Variants in SIDT2 observed in about 807,000 individuals in gnomAD.
SIDT2 encodes SID1 transmembrane family, member 2.
A neutral mutation model predicts 114.4 loss-of-function variants in SIDT2; 68 were observed. The ratio of observed to expected loss-of-function variants is 0.59; its 90% CI spans 0.49 to 0.73. The LOEUF is 0.73. Ranked by LOEUF, SIDT2 falls within the 30% of genes least tolerant of loss-of-function variation. The pLI, the probability that SIDT2 is intolerant of heterozygous loss-of-function variation, is 0.00. For missense variants in SIDT2, 918 were observed against 1,097.1 expected (o/e 0.84, Z 2.31); for synonymous variants, 470 against 438.4 (o/e 1.07, Z -0.90).
intron 6 of SIDT2, among the ~76,000 whole-genome samples, chr11:117,183,293 C>T (rs187444692): frequency 6.7e-6 from 1 of 148,600 alleles, no homozygotes; most frequent in East Asian, 2.0e-4. Flanking sequence ...TGCAGTGAGC[C>T]GAGATCACAC....
rs557545125 is a variant in SIDT2, at chr11:117,188,374, G to A, written c.1160-334G>A. ...CACCCTTGAATCAGCATGACTTGCC[G>A]AGTTCAATCCTGTTGTTTGTGTCTG... On this transcript the variant is annotated intron_variant, in intron 12 of 25. Coordinates refer to ENST00000324225, the MANE Select transcript of SIDT2 (RefSeq NM_001040455.2). This position sits in a 1 kb window ranked among gnomAD's most constrained non-coding sequence, Gnocchi z 4.0. 4 of 385,736 alleles carry A rather than the reference G, an allele frequency of 1.0e-5. No individual in the cohort carries two copies. Among genetic ancestry groups the A allele is most frequent in the African/African-American group, 6.1e-5 (3 of 49,304 alleles). The allele number at this position is 385,736 out of a possible 1,614,324, so 23.9% of individuals were successfully genotyped here.
In SIDT2 at chr11:117,181,856, C is replaced by A; in HGVS notation, c.355C>A (p.Pro119Thr). The change falls in exon 3 of 26, where the codon CCC becomes ACC. Residue 119 changes from proline to threonine, a missense_variant. Physicochemically the swap from Pro to Thr is conservative, Grantham distance 38. This residue lies in a region of SIDT2 where 553 missense variants were observed against 600.1 expected (regional missense o/e 0.92). Transcript: ENST00000324225. The stretch of plus-strand genomic sequence containing the variant: ...AAAAGTGGAACGAACCCTGTGTCAG[C>A]CCCCCACCAAGAATGAGTCGGAGAT... ...YQKVERTLCQ[P>T]PTKNESEIQF... is the part of the protein sequence containing the mutation. The A allele has an allele frequency of 1.2e-6, 2 of 1,614,194 alleles. No homozygotes were observed. Among genetic ancestry groups the A allele is most frequent in the Non-Finnish European group, 1.7e-6 (2 of 1,180,032 alleles).
At chr11:117,189,814 G>C (rs932788716) in intron 15 of SIDT2, 138 bp from the exon 16 acceptor site, 58 of 730,632 alleles carry the variant, frequency 7.9e-5, no homozygotes, top group African/African-American at 7.2e-4. Context: ...GAAGGAACAC[G>C]TGCCTGCGGT....
Position 117,183,965 on chromosome 11 carries a change from G to A in SIDT2, c.802+87G>A, listed in dbSNP as rs886223372. ...AGAAGAGCCTGCGTGGCTGATTGGT[G>A]GACCTGATAGGACATGGGTTTTTGG... On this transcript the variant is annotated intron_variant, in intron 7 of 25. Coordinates refer to ENST00000324225, the MANE Select transcript of SIDT2 (RefSeq NM_001040455.2). 5 of 1,493,284 alleles carry A rather than the reference G, an allele frequency of 3.3e-6. No individual in the cohort carries two copies. The African/African-American group carries it at 5.5e-5, about 17-fold the overall frequency. 92.5% of individuals were successfully genotyped at this position (1,493,284 alleles called of 1,614,324 possible).
chr11:117,193,798 C>G, intron 23 of SIDT2, 55 bp from the exon 24 acceptor site: 1 of 1,311,174 alleles, frequency 7.6e-7, no homozygotes. Context: ...GGTGGGACAG[C>G]GGGGTGGGAC....
At position 117,179,131 on chromosome 11, in the gene SIDT2, G is replaced by A; in HGVS notation, c.-133G>A. On this transcript the variant is annotated 5_prime_UTR_variant, in exon 1 of 26. Coordinates refer to ENST00000324225, the MANE Select transcript of SIDT2 (RefSeq NM_001040455.2). ...GGGAGGGGACATTTCCTAATCTCAG[G>A]CCGGGGTTAAAGTTCTGGTCCTGGT... is the stretch of plus-strand genomic sequence containing the variant. 2 of 843,384 alleles carry A rather than the reference G, an allele frequency of 2.4e-6. No homozygotes were observed. The highest frequency in any genetic ancestry group is 1.7e-5 in the South Asian group (1 of 57,550). The allele number at this position is 843,384 out of a possible 1,614,324, so 52.2% of individuals were successfully genotyped here. A position where few individuals can be genotyped will look rare whatever the true frequency, so the allele number is the denominator to read the frequency against.
Position 117,196,174 on chromosome 11 carries a change from A to T in SIDT2, c.*108A>T. ...ATGAGTCCCAGCACCGCTGCCCAGC[A>T]CTGGATGGCAGCAGGACAGCCAGGT... is the stretch of plus-strand genomic sequence containing the variant. On this transcript the variant is annotated 3_prime_UTR_variant, in exon 26 of 26. Transcript: ENST00000324225. This position sits in a 1 kb window ranked among gnomAD's most constrained non-coding sequence, Gnocchi z 4.9. 1.4e-6 allele frequency: 2 copies of T among 1,456,134 alleles called. No homozygotes were observed. Among genetic ancestry groups the T allele is most frequent in the South Asian group, 1.2e-5 (1 of 83,836 alleles). The allele number at this position is 1,456,134 out of a possible 1,614,324, so 90.2% of individuals were successfully genotyped here.
At position 117,195,818 on chromosome 11, in the gene SIDT2, C is replaced by T. The variant is rs2134263327; in HGVS notation, c.2339C>T (p.Ser780Leu). Reference sequence around the variant, plus strand: ...CTCCCCAAGAAAACCCCTGCAGAGTCGAGGGAGCACAACCGGGACTGCATC... The same window carrying T: ...CTCCCCAAGAAAACCCCTGCAGAGTTGAGGGAGCACAACCGGGACTGCATC... ...LSTWQKTPAE[S>L]REHNRDCILL... The change falls in exon 25 of 26, where the codon TCG (serine) becomes TTG (leucine). Residue 780 changes from serine (S) to leucine (L), a missense_variant. Coordinates refer to ENST00000324225, the MANE Select transcript of SIDT2 (RefSeq NM_001040455.2). 1.2e-6 allele frequency: 2 copies of T among 1,614,166 alleles called. No individual in the cohort carries two copies. The highest frequency in any genetic ancestry group is 2.2e-5 in the East Asian group (1 of 44,862).
rs781290775 is a variant in SIDT2 at position 117,188,821 on chromosome 11, A to T, written c.1273A>T (p.Thr425Ser). 18 of 1,613,788 alleles carry T rather than the reference A, an allele frequency of 1.1e-5. No individual in the cohort carries two copies. Among genetic ancestry groups the T allele is most frequent in the African/African-American group, 2.7e-5 (2 of 74,900 alleles). ...CGATTCCGACAAGAATGTCATTCGC[A>T]CCAAGGTCTGACCCGTGGGCCTGGC... ...DIDSDKNVIR[T>S]KQYLYVADLA... The change falls in exon 13 of 26, where the codon ACC (threonine) becomes TCC (serine). Residue 425 changes from threonine (T) to serine (S), a missense_variant. By Grantham distance (58) the Thr-to-Ser change is moderately conservative (BLOSUM62 1). This residue lies in a region of SIDT2 where 553 missense variants were observed against 600.1 expected (regional missense o/e 0.92). Transcript: ENST00000324225. This position sits in a 1 kb window ranked among gnomAD's most constrained non-coding sequence, Gnocchi z 4.0.
intron 23 of SIDT2, 51 bp from the exon 24 acceptor site, chr11:117,193,802 G>T (rs1166295504): frequency 1.5e-6 from 2 of 1,378,940 alleles, no homozygotes; most frequent in Admixed American, 1.7e-5. Flanking sequence ...GGACAGCGGG[G>T]TGGGACAGGG....
rs192080492 is a variant in SIDT2, at chr11:117,178,886, G to A, written c.-378G>A. 7.8e-4 allele frequency: 159 copies of A among 204,000 alleles called. 1 individual carries two copies. The highest frequency in any genetic ancestry group is 3.0e-3 in the African/African-American group (127 of 42,826). 12.6% of individuals were successfully genotyped at this position (204,000 alleles called of 1,614,324 possible). ...TCGCCTTCCTCCGCGGCCAGCCCCC[G>A]CCGCCGGCTCTTCCTCCCTCCCCTT... is the stretch of plus-strand genomic sequence containing the variant. On this transcript the variant is annotated 5_prime_UTR_variant, in exon 1 of 26. Transcript: ENST00000324225.
At chr11:117,181,633 C>T in intron 2 of SIDT2, 96 bp downstream of exon 2, 3 of 1,591,664 alleles carry the variant, frequency 1.9e-6, no homozygotes, top group Non-Finnish European at 2.6e-6. Flanking sequence ...CTCCCCTTTC[C>T]CTGGGCTGGG....
At position 117,188,695 on chromosome 11, in the gene SIDT2, C is replaced by T. The variant is rs1264246561; in HGVS notation, c.1160-13C>T. 3 of 1,609,424 alleles carry T rather than the reference C, an allele frequency of 1.9e-6. No individual in the cohort carries two copies. The highest frequency in any genetic ancestry group is 2.2e-5 in the East Asian group (1 of 44,854). On this transcript the variant is annotated splice_polypyrimidine_tract_variant and intron_variant, in intron 12 of 25. Transcript: ENST00000324225. This position sits in a 1 kb window ranked among gnomAD's most constrained non-coding sequence, Gnocchi z 4.0. ...GTCCACCGGTGCAACCCCTCCCTCC[C>T]TGCCCTTTCCAGGCCGCTCCTTTGA...
At chr11:117,183,550 A>G (rs1222778413) in intron 6 of SIDT2, among the ~76,000 whole-genome samples, 1 of 151,886 alleles carries the variant, frequency 6.6e-6, no homozygotes, top group African/African-American at 2.4e-5. Context: ...AAGCAGGAGA[A>G]TTGTTTGAAC....
chr11:117,188,417 T>C lies in SIDT2; in HGVS notation c.1160-291T>C, dbSNP rs201132121. On this transcript the variant is annotated intron_variant, in intron 12 of 25. Coordinates refer to ENST00000324225, the MANE Select transcript of SIDT2 (RefSeq NM_001040455.2). The surrounding 1 kb of genome is among the most constrained non-coding windows in gnomAD (Gnocchi z 4.0). ...TGTGTCTGCTGCCTGGGGTCTGCCTTGTGTCCTGGCCTGGGAAGCCCTAGC... is the reference window on the plus strand; with the variant it reads ...TGTGTCTGCTGCCTGGGGTCTGCCTCGTGTCCTGGCCTGGGAAGCCCTAGC... The C allele has an allele frequency of 8.3e-6, 4 of 479,530 alleles. No individual in the cohort carries two copies. Among genetic ancestry groups the C allele is most frequent in the African/African-American group, 3.9e-5 (2 of 51,590 alleles). The allele number at this position is 479,530 out of a possible 1,614,324, so 29.7% of individuals were successfully genotyped here. A position where few individuals can be genotyped will look rare whatever the true frequency, so the allele number is the denominator to read the frequency against.
chr11:117,187,129 C>A, intron 10 of SIDT2: 1 of 1,283,882 alleles, frequency 7.8e-7, no homozygotes, highest in Admixed American at 2.0e-5. Context: ...CTTAGATGTG[C>A]CTGTTCTTGA....
rs1211008978 is a variant in SIDT2, at chr11:117,183,844, C to T, written c.768C>T (p.Cys256=). The change falls in exon 7 of 26, where the codon TGC becomes TGT. Residue 256 remains cysteine (C), a synonymous_variant. Transcript: ENST00000324225. ...VVVVKTEDQA[C]GGSLPFYPFA... is the part of the protein sequence containing the mutation. ...TGGTGAAGACCGAAGACCAAGCCTGCGGGGGCTCCCTGCCTTTCTACCCCT... is the reference window on the plus strand; with the variant it reads ...TGGTGAAGACCGAAGACCAAGCCTGTGGGGGCTCCCTGCCTTTCTACCCCT... 7 of 1,613,898 alleles carry T rather than the reference C, an allele frequency of 4.3e-6. No individual in the cohort carries two copies. The highest frequency in any genetic ancestry group is 3.3e-4 in the Middle Eastern group (2 of 6,060).
At chr11:117,185,062 T>C (rs1426972103) in intron 8 of SIDT2, among the ~76,000 whole-genome samples, 3 of 148,124 alleles carry the variant, frequency 2.0e-5, no homozygotes, top group African/African-American at 7.5e-5. Flanking sequence ...TTTTTTTTTT[T>C]TTTCCGAGAT....
Position 117,192,271 on chromosome 11 carries a change from C to G in SIDT2, c.1890C>G (p.Asn630Lys). Residue 630 changes from asparagine to lysine, a missense_variant, in exon 20 of 26, where the codon AAC becomes AAG. Physicochemically the swap from Asn to Lys is moderately conservative, Grantham distance 94. Around this residue, in one of 4 missense-constraint regions of SIDT2, gnomAD observed 275 missense variants for 397.6 expected, o/e 0.69. Coordinates refer to ENST00000324225, the MANE Select transcript of SIDT2 (RefSeq NM_001040455.2). The surrounding 1 kb of genome is among the most constrained non-coding windows in gnomAD (Gnocchi z 5.9). ...CCCGACAGGTCTTTGGCAAAGGGAA[C>G]ACGGCGTTCTGGATCGTCTTCTCCA... ...SVLGVVFGKG[N>K]TAFWIVFSII... 1 of 1,610,390 alleles carries G rather than the reference C, an allele frequency of 6.2e-7. No homozygotes were observed. Among genetic ancestry groups the G allele is most frequent in the Non-Finnish European group, 8.5e-7 (1 of 1,176,720 alleles).
Sources: allele counts gnomAD v4.1 joint callset (sites outside exome capture counted in the v4.1 genomes callset), GRCh38; gene constraint gnomAD v4.1.1; regional missense constraint gnomAD v4.1.1; non-coding constraint Gnocchi (gnomAD v3.1); transcripts MANE v1.5; gene names NCBI Gene and HGNC (gene_info 2026-07-23, HGNC 2026-07-21).